Variants in PLS1 observed in about 807,000 individuals in gnomAD.
PLS1 encodes the protein plastin 1, also known as plastin-1.
A neutral mutation model predicts 73.7 loss-of-function variants in PLS1; 32 were observed. The observed-to-expected ratio is 0.43, with a 90% CI of 0.33 to 0.58. The LOEUF (loss-of-function observed/expected upper bound fraction) is 0.58, where lower values mean the gene tolerates loss of function less well. Ranked by LOEUF, PLS1 falls within the 20% of genes least tolerant of loss-of-function variation. The probability of loss-of-function intolerance (pLI) is 0.04; values close to 1 mark genes in which losing one functional copy is unlikely to be tolerated. For missense variants in PLS1, 633 were observed against 740.5 expected, an observed-to-expected ratio of 0.85 and a Z score of 1.68; for synonymous variants, 217 against 261.3, an observed-to-expected ratio of 0.83 and a Z score of 1.63.
Position 142,687,382 on chromosome 3 carries a change from G to A in PLS1, c.981+1006G>A, listed in dbSNP as rs529184141. Reference sequence around the variant, plus strand: ...TTAAAATTTGGTCAGATAATAGACTGTATGAAAATATATCACGTACTTAAA... The same window carrying A: ...TTAAAATTTGGTCAGATAATAGACTATATGAAAATATATCACGTACTTAAA... On this transcript the variant is annotated intron_variant, in intron 9 of 15. Transcript: ENST00000457734. 1.8e-4 allele frequency among the ~76,000 whole-genome samples: 28 copies of A among 152,290 alleles called. No homozygotes were observed. The South Asian group carries it at 2.3e-3, about 12-fold the overall frequency.
At chr3:142,622,383 G>A (rs955999662) in intron 1 of PLS1, among the ~76,000 whole-genome samples, 6 of 151,956 alleles carry the variant, frequency 3.9e-5, no homozygotes, top group Non-Finnish European at 2.9e-5. Context: ...TTCCTCCAAA[G>A]CCTCCTCATG....
intron 1 of PLS1, among the ~76,000 whole-genome samples, chr3:142,659,782 C>A (rs1348247533): frequency 6.6e-6 from 1 of 151,718 alleles, no homozygotes; most frequent in Non-Finnish European, 1.5e-5. Context: ...CTGTAACCTC[C>A]GCCTCTTGGG....
chr3:142,633,207 A>G (rs2036603962), intron 1 of PLS1, among the ~76,000 whole-genome samples: 1 of 152,218 alleles, frequency 6.6e-6, no homozygotes, highest in Non-Finnish European at 1.5e-5. Context: ...ATTAGAAGGG[A>G]TTGCCAGAGG....
chr3:142,710,829 A>G (rs1373901367), intron 14 of PLS1, among the ~76,000 whole-genome samples: 3 of 152,164 alleles, frequency 2.0e-5, no homozygotes, highest in Non-Finnish European at 2.9e-5. Context: ...GCTATTCACT[A>G]TAATTTAGTT....
chr3:142,621,100 T>C (rs761784976), intron 1 of PLS1, among the ~76,000 whole-genome samples: 4 of 152,192 alleles, frequency 2.6e-5, no homozygotes, highest in Non-Finnish European at 4.4e-5. Context: ...ACCATATCTT[T>C]TTCTACATAG....
At chr3:142,665,652 T>G (rs1031144046) in intron 2 of PLS1, among the ~76,000 whole-genome samples, 1 of 152,216 alleles carries the variant, frequency 6.6e-6, no homozygotes, top group African/African-American at 2.4e-5. Flanking sequence ...TGAATAAAAG[T>G]TCTACCCAGG....
chr3:142,649,439 C>A (rs551111417), intron 1 of PLS1, among the ~76,000 whole-genome samples: 1 of 150,956 alleles, frequency 6.6e-6, no homozygotes, highest in South Asian at 2.1e-4. Flanking sequence ...AGTTCGAGAC[C>A]AGCCATGACC....
intron 1 of PLS1, chr3:142,619,763 A>G (rs1381086323): frequency 1.3e-5 from 2 of 152,228 alleles, no homozygotes; most frequent in Non-Finnish European, 2.9e-5. Context: ...TCTAAACAAA[A>G]GAACATTGCT....
intron 1 of PLS1, among the ~76,000 whole-genome samples, chr3:142,605,325 A>G (rs921302067): frequency 6.6e-6 from 1 of 152,224 alleles, no homozygotes; most frequent in African/African-American, 2.4e-5. Context: ...AACTGCCAGA[A>G]ATTAAACTCA....
intron 1 of PLS1, among the ~76,000 whole-genome samples, chr3:142,616,363 AG>A (rs1176442047): frequency 1.3e-5 from 2 of 152,244 alleles, no homozygotes; most frequent in African/African-American, 4.8e-5. Context: ...GCACACTAGC[AG>A]GAAGAGAAAG....
chr3:142,664,583 G>A (rs990514767), intron 2 of PLS1, among the ~76,000 whole-genome samples: 5 of 151,876 alleles, frequency 3.3e-5, no homozygotes, highest in Non-Finnish European at 7.4e-5. Context: ...CACTTTACAC[G>A]GTATCCTTAT....
intron 1 of PLS1, among the ~76,000 whole-genome samples, chr3:142,602,107 G>GTTTT (rs11422433): frequency 1.4e-5 from 2 of 144,506 alleles, no homozygotes; most frequent in African/African-American, 2.6e-5. Flanking sequence ...AATCGTTCCG[G>GTTTT]TTTTTTTTTT....
intron 1 of PLS1, among the ~76,000 whole-genome samples, chr3:142,604,709 C>T (rs1277947820): frequency 1.3e-5 from 2 of 152,036 alleles, no homozygotes; most frequent in Non-Finnish European, 2.9e-5. Flanking sequence ...CCGAGGCAGG[C>T]GGATCACGAG....
intron 1 of PLS1, among the ~76,000 whole-genome samples, chr3:142,607,549 C>T (rs1225067014): frequency 2.0e-5 from 3 of 152,248 alleles, no homozygotes; most frequent in Admixed American, 2.0e-4. Context: ...GCTGGGATTA[C>T]AGGCGTGAGC....
chr3:142,599,142 A>G (rs1268884873), intron 1 of PLS1, among the ~76,000 whole-genome samples: 1 of 151,730 alleles, frequency 6.6e-6, no homozygotes, highest in Non-Finnish European at 1.5e-5. Flanking sequence ...ATTGCTTTGC[A>G]GTATCAGACA....
chr3:142,660,304 T>C (rs2037341238), intron 1 of PLS1, among the ~76,000 whole-genome samples: 1 of 152,208 alleles, frequency 6.6e-6, no homozygotes, highest in Non-Finnish European at 1.5e-5. Flanking sequence ...TACTTTTCTG[T>C]ATCTTGTTTT....
intron 4 of PLS1, among the ~76,000 whole-genome samples, chr3:142,673,237 G>C (rs2037645547): frequency 6.6e-6 from 1 of 152,092 alleles, no homozygotes; most frequent in Non-Finnish European, 1.5e-5. Flanking sequence ...TGTAGAGATG[G>C]GGTTTTGCTA....
At chr3:142,707,009 A>C (rs2038475468) in intron 14 of PLS1, among the ~76,000 whole-genome samples, 2 of 152,194 alleles carry the variant, frequency 1.3e-5, no homozygotes, top group East Asian at 3.8e-4. Context: ...CAGTTGAATA[A>C]AAGGGTTGAG....
intron 1 of PLS1, chr3:142,623,303 TC>T (rs2036352777): frequency 6.6e-6 from 1 of 150,752 alleles, no homozygotes. Flanking sequence ...GATGATGACA[TC>T]CACATTTTTG....
Sources: allele counts gnomAD v4.1 joint callset (sites outside exome capture counted in the v4.1 genomes callset), GRCh38; gene constraint gnomAD v4.1.1; transcripts MANE v1.5; gene names NCBI Gene and HGNC (gene_info 2026-07-23, HGNC 2026-07-21).